PCDH15: variants seen among roughly 807,000 people sequenced by gnomAD.
PCDH15 encodes protocadherin related 15.
In PCDH15, 129 loss-of-function variants were observed where a neutral mutation model predicts 178.5. The observed-to-expected ratio is 0.72, with a 90% CI of 0.63 to 0.84. The LOEUF is 0.84. Among genes scored for constraint, PCDH15 ranks in the 40% least tolerant of loss-of-function variants. PCDH15 has a pLI of 0.00. For synonymous variants in PCDH15, 800 were observed against 732.0 expected, an observed-to-expected ratio of 1.09 and a Z score of -1.50; for missense variants, 2,230 against 2,099.9, an observed-to-expected ratio of 1.06 and a Z score of -1.21.
chr10:55,482,431 C>G (rs1840201354), intron 2 of PCDH15, among the ~76,000 whole-genome samples: 1 of 151,716 alleles, frequency 6.6e-6, no homozygotes, highest in Non-Finnish European at 1.5e-5. Context: ...CTCTAAACTT[C>G]AGTGTTTTTG....
intron 2 of PCDH15, among the ~76,000 whole-genome samples, chr10:55,153,186 T>G (rs930502379): frequency 4.6e-5 from 7 of 152,132 alleles, no homozygotes; most frequent in Non-Finnish European, 7.4e-5. Flanking sequence ...AATGTCTTTA[T>G]CAGTGAAAAC....
intron 2 of PCDH15, among the ~76,000 whole-genome samples, chr10:54,971,514 T>C (rs1451559283): frequency 6.6e-6 from 1 of 152,178 alleles, no homozygotes; most frequent in Non-Finnish European, 1.5e-5. Flanking sequence ...AAATTACCCA[T>C]CTAAGGTATT....
rs1222668698 is a variant in PCDH15 at position 55,179,546 on chromosome 10, C to CT, written c.-155-12896dup. ...CTGCTCATGGACAATTCAGCACACACTCCCCCCCATTCTAAGCCCATAGAA... is the reference window on the plus strand; with the variant it reads ...CTGCTCATGGACAATTCAGCACACACTTCCCCCCCATTCTAAGCCCATAGAA... On this transcript the variant is annotated intron_variant, in intron 1 of 5. Transcript: ENST00000458638. 7.0e-5 allele frequency among the ~76,000 whole-genome samples: 9 copies of CT among 129,402 alleles called. No homozygotes were observed. In the Admixed American group the frequency reaches 7.2e-4, roughly 10 times the overall value. 84.9% of individuals were successfully genotyped at this position (129,402 alleles called of 152,430 possible).
intron 3 of PCDH15, among the ~76,000 whole-genome samples, chr10:54,436,031 G>GAAAAGAAAAGAAA (rs1554969674): frequency 2.9e-5 from 1 of 34,588 alleles, no homozygotes; most frequent in African/African-American, 1.4e-4. Context: ...GGAGAGGAGA[G>GAAAAGAAAAGAAA]GAGAGAGAGA....
rs1566128489 is a variant in PCDH15, at chr10:54,752,516, ACAAACAAACAAAC to A, written c.-29+48396_-29+48408del. ...ACAAAAAACAAAAAACAAAAAACAA[ACAAACAAACAAAC>A]AAAAAAAAACAATAAAACAATTTTC... On this transcript the variant is annotated intron_variant, in intron 1 of 37. Coordinates refer to ENST00000644397, the MANE Select transcript of PCDH15 (RefSeq NM_001384140.1). Among the ~76,000 whole-genome samples the A allele has an allele frequency of 3.4e-4, 32 of 95,028 alleles. 2 individuals carry two copies. Among genetic ancestry groups the A allele is most frequent in the Non-Finnish European group, 6.8e-4 (26 of 38,426 alleles). The allele number at this position is 95,028 out of a possible 152,430, so 62.3% of individuals were successfully genotyped here. A position where few individuals can be genotyped will look rare whatever the true frequency, so the allele number is the denominator to read the frequency against.
intron 16 of PCDH15, among the ~76,000 whole-genome samples, chr10:54,085,164 T>C (rs887296185): frequency 6.6e-6 from 1 of 152,048 alleles, no homozygotes; most frequent in African/African-American, 2.4e-5. Flanking sequence ...CTTTCTTATA[T>C]ATTATTTAAT....
chr10:54,539,169 C>A (rs1184054525), intron 2 of PCDH15, among the ~76,000 whole-genome samples: 1 of 152,134 alleles, frequency 6.6e-6, no homozygotes, highest in African/African-American at 2.4e-5. Flanking sequence ...AAAAGCCCTA[C>A]TTAAAAGGCA....
chr10:53,808,375 A>C, intron 37 of PCDH15: 1 of 975,032 alleles, frequency 1.0e-6, no homozygotes, highest in African/African-American at 1.8e-5. Context: ...CAATAGACAG[A>C]GTGTCACTGA....
intron 2 of PCDH15, among the ~76,000 whole-genome samples, chr10:54,617,456 T>C (rs1188116986): frequency 6.6e-6 from 1 of 152,066 alleles, no homozygotes; most frequent in Non-Finnish European, 1.5e-5. Context: ...ACATACACTT[T>C]TACTATATGT....
chr10:55,590,799 T>C (rs1033503143), intron 2 of PCDH15, among the ~76,000 whole-genome samples: 2 of 152,170 alleles, frequency 1.3e-5, no homozygotes, highest in African/African-American at 4.8e-5. Context: ...TATTTCTTTT[T>C]TCTTTAAAAA....
At position 55,423,731 on chromosome 10, in the gene PCDH15, T is replaced by C. The variant is rs551398908; in HGVS notation, c.-156+203894A>G. 2.6e-5 allele frequency among the ~76,000 whole-genome samples: 4 copies of C among 152,220 alleles called. No individual in the cohort carries two copies. In the South Asian group the frequency reaches 8.3e-4, roughly 32 times the overall value. ...AATCTAAATACGCAACATACCTTGA[T>C]GTGCAGCAGGGGCAGACATAGCAGG... On this transcript the variant is annotated intron_variant, in intron 2 of 5. Coordinates refer to the PCDH15 transcript ENST00000613346.
intron 29 of PCDH15, among the ~76,000 whole-genome samples, chr10:53,836,783 T>C (rs1028407838): frequency 1.3e-5 from 2 of 152,080 alleles, no homozygotes; most frequent in East Asian, 3.9e-4. Context: ...TTTCAAGAAA[T>C]GAAGTAACAG....
At chr10:55,170,174 C>T (rs1215386350) in intron 1 of PCDH15, among the ~76,000 whole-genome samples, 1 of 150,970 alleles carries the variant, frequency 6.6e-6, no homozygotes, top group Non-Finnish European at 1.5e-5. Context: ...GGTACAGTGT[C>T]TCACTCACTC....
At chr10:54,160,359 A>G (rs2045583868) in intron 13 of PCDH15, among the ~76,000 whole-genome samples, 1 of 152,204 alleles carries the variant, frequency 6.6e-6, no homozygotes, top group Non-Finnish European at 1.5e-5. Context: ...GGACAAGGGA[A>G]GAATACTGTA....
intron 28 of PCDH15, among the ~76,000 whole-genome samples, chr10:53,845,335 A>G (rs1412490869): frequency 1.3e-5 from 2 of 151,926 alleles, no homozygotes; most frequent in Non-Finnish European, 1.5e-5. Flanking sequence ...CAAAAAACTA[A>G]AAATAGAACT....
intron 2 of PCDH15, among the ~76,000 whole-genome samples, chr10:55,379,159 C>A (rs948808246): frequency 6.6e-6 from 1 of 151,052 alleles, no homozygotes; most frequent in African/African-American, 2.4e-5. Context: ...TTTGGGAAAA[C>A]AAATCTTTGT....
At chr10:55,193,636 C>T (rs1349957394) in intron 1 of PCDH15, among the ~76,000 whole-genome samples, 2 of 151,876 alleles carry the variant, frequency 1.3e-5, no homozygotes, top group African/African-American at 4.8e-5. Flanking sequence ...ATTAAATTCT[C>T]ATATGCTAAG....
chr10:55,297,861 A>T (rs1843172444), intron 1 of PCDH15, among the ~76,000 whole-genome samples: 1 of 152,056 alleles, frequency 6.6e-6, no homozygotes. Context: ...TTCCTTTAGT[A>T]ACTCCCCACC....
At chr10:54,481,046 T>C (rs969567605) in intron 3 of PCDH15, among the ~76,000 whole-genome samples, 4 of 151,846 alleles carry the variant, frequency 2.6e-5, no homozygotes, top group Non-Finnish European at 4.4e-5. Context: ...AATCTGTGAT[T>C]CTATAATTTG....
Sources: gnomAD v4.1 joint callset for allele counts (sites outside exome capture counted in the v4.1 genomes callset) on GRCh38, gnomAD v4.1.1 for gene constraint, MANE v1.5 for transcripts, NCBI Gene and HGNC (gene_info 2026-07-23, HGNC 2026-07-21) for gene names.